Variants in TTC1 observed in about 807,000 individuals in gnomAD.
TTC1 encodes tetratricopeptide repeat domain 1, also known as tetratricopeptide repeat protein 1.
Under a neutral mutation model 37.6 loss-of-function variants are expected in TTC1, and 31 were observed. The ratio of observed to expected loss-of-function variants is 0.82; its 90% CI spans 0.62 to 1.11. The LOEUF is 1.11. Among genes scored for constraint, TTC1 ranks in the 50% most tolerant of loss-of-function variants. The pLI is 0.00. For synonymous variants in TTC1, 127 were observed against 122.4 expected (o/e 1.04, Z -0.25); for missense variants, 351 against 339.0 (o/e 1.04, Z -0.28).
intron 5 of TTC1, among the ~76,000 whole-genome samples, chr5:160,047,463 A>C (rs1340760362): frequency 6.6e-6 from 1 of 152,196 alleles, no homozygotes; most frequent in Non-Finnish European, 1.5e-5. Context: ...TACTACTTCC[A>C]GCTTAGACCA....
At chr5:160,029,816 C>G (rs1262658585) in intron 2 of TTC1, among the ~76,000 whole-genome samples, 1 of 152,116 alleles carries the variant, frequency 6.6e-6, no homozygotes, top group African/African-American at 2.4e-5. Context: ...GGTAAAATGC[C>G]CATGCAGATC....
intron 1 of TTC1, among the ~76,000 whole-genome samples, chr5:160,009,924 A>G (rs1298442340): frequency 6.6e-6 from 1 of 152,196 alleles, no homozygotes; most frequent in Non-Finnish European, 1.5e-5. Flanking sequence ...GTGGTGCTAA[A>G]AAGACGGACC....
chr5:160,040,062 A>G (rs1180466617), intron 4 of TTC1, among the ~76,000 whole-genome samples: 1 of 152,182 alleles, frequency 6.6e-6, no homozygotes. Context: ...GGTATGGCCT[A>G]CTACACACCT....
chr5:160,041,268 A>G (rs1270732817), intron 4 of TTC1, among the ~76,000 whole-genome samples: 1 of 151,620 alleles, frequency 6.6e-6, no homozygotes, highest in Non-Finnish European at 1.5e-5. Context: ...TAAACCAATA[A>G]CAGCCATTTA....
chr5:160,010,572 TA>T lies in TTC1; in HGVS notation c.47del (p.Asn16MetfsTer3), dbSNP rs1408471819. 1 of 1,614,094 alleles carries T rather than the reference TA, an allele frequency of 6.2e-7. No individual in the cohort carries two copies. ...AACTGTGGGGTTCCAGAGGATCTGT[TA>T]AATGGTTTGAAGGTTACAGATACTC... ...SENCGVPEDL[L>X]NGLKVTDTQE... On this transcript the variant is annotated frameshift_variant, in exon 2 of 8. Coordinates refer to ENST00000231238, the MANE Select transcript of TTC1 (RefSeq NM_003314.3). LOFTEE classifies it high-confidence loss of function.
chr5:160,062,755 A>G (rs28373768), intron 7 of TTC1, among the ~76,000 whole-genome samples: 41 of 151,698 alleles, frequency 2.7e-4, no homozygotes, highest in African/African-American at 9.9e-4. Context: ...ACTCCATATC[A>G]CAAGAGCCAA....
chr5:160,058,409 C>CTTTT (rs1171929571), intron 7 of TTC1, among the ~76,000 whole-genome samples: 3 of 129,774 alleles, frequency 2.3e-5, no homozygotes, highest in African/African-American at 2.8e-5. Flanking sequence ...AAGTGTATTT[C>CTTTT]TTTTTTTTTT....
At chr5:160,058,219 T>C (rs11135089) in intron 7 of TTC1, among the ~76,000 whole-genome samples, 104,227 of 152,018 alleles carry the variant, frequency 0.69, 35,908 homozygotes, top group East Asian at 0.76. Context: ...TGTAGCAATT[T>C]AGTCACATCT....
At chr5:160,034,240 G>A (rs1756966189) in intron 2 of TTC1, among the ~76,000 whole-genome samples, 1 of 151,226 alleles carries the variant, frequency 6.6e-6, no homozygotes, top group African/African-American at 2.4e-5. Flanking sequence ...AGACTCTTCT[G>A]GTTTGGCTTG....
In TTC1 at chr5:160,065,425, GC is replaced by G; in HGVS notation, c.*363del. 2.1e-6 allele frequency: 1 copy of G among 469,466 alleles called. No homozygotes were observed. Among genetic ancestry groups the G allele is most frequent in the Admixed American group, 2.3e-5 (1 of 42,982 alleles). The allele number at this position is 469,466 out of a possible 1,614,324, so 29.1% of individuals were successfully genotyped here. ...AAACAAACCTGTTGGTTGGGAGACT[GC>G]CCAGACATGATTGATGACGGGTTCC... On this transcript the variant is annotated 3_prime_UTR_variant, in exon 8 of 8. Coordinates refer to ENST00000231238, the MANE Select transcript of TTC1 (RefSeq NM_003314.3).
chr5:160,048,355 T>A (rs1168265460), intron 5 of TTC1, among the ~76,000 whole-genome samples: 1 of 152,064 alleles, frequency 6.6e-6, no homozygotes, highest in Non-Finnish European at 1.5e-5. Context: ...TTTCGCCATG[T>A]TGGCTAGGCT....
chr5:160,024,032 C>T (rs1447245863), intron 2 of TTC1: 4 of 1,347,798 alleles, frequency 3.0e-6, no homozygotes, highest in Non-Finnish European at 4.3e-6. Flanking sequence ...ACACTTCTTG[C>T]AGGTAGTGTT....
intron 2 of TTC1, among the ~76,000 whole-genome samples, chr5:160,022,752 C>G (rs1033959796): frequency 1.3e-5 from 2 of 152,094 alleles, no homozygotes; most frequent in African/African-American, 4.8e-5. Context: ...AGTAATTTGT[C>G]TTCTTTATAG....
chr5:160,047,518 C>G (rs987268297), intron 5 of TTC1, among the ~76,000 whole-genome samples: 1 of 152,250 alleles, frequency 6.6e-6, no homozygotes, highest in Non-Finnish European at 1.5e-5. Flanking sequence ...AGCTTTCCAG[C>G]TGATCTCACA....
chr5:160,050,167 G>A (rs993659176), intron 6 of TTC1, among the ~76,000 whole-genome samples: 6 of 152,060 alleles, frequency 3.9e-5, no homozygotes, highest in Non-Finnish European at 8.8e-5. Context: ...AAACCAACAG[G>A]CTGGGTGCAG....
intron 2 of TTC1, among the ~76,000 whole-genome samples, chr5:160,014,468 A>G (rs1030513845): frequency 1.3e-5 from 2 of 152,022 alleles, no homozygotes; most frequent in Non-Finnish European, 2.9e-5. Context: ...GTTTGAGACC[A>G]GCCTGGGCAA....
chr5:160,026,494 C>T (rs918199679), intron 2 of TTC1, among the ~76,000 whole-genome samples: 2 of 152,242 alleles, frequency 1.3e-5, no homozygotes, highest in African/African-American at 2.4e-5. Flanking sequence ...CTGTTAGATA[C>T]GAATACACTT....
intron 2 of TTC1, among the ~76,000 whole-genome samples, chr5:160,027,674 T>G (rs886241399): frequency 3.9e-5 from 6 of 152,254 alleles, no homozygotes; most frequent in African/African-American, 1.4e-4. Flanking sequence ...GCAGTAAATT[T>G]TCTTTGTTCA....
intron 5 of TTC1, among the ~76,000 whole-genome samples, chr5:160,047,656 A>T (rs1757286601): frequency 6.6e-6 from 1 of 152,120 alleles, no homozygotes; most frequent in South Asian, 2.1e-4. Flanking sequence ...GAAAAAGTCC[A>T]AACTCCTTTC....
Sources: gnomAD v4.1 joint callset for allele counts (sites outside exome capture counted in the v4.1 genomes callset) on GRCh38, gnomAD v4.1.1 for gene constraint, MANE v1.5 for transcripts, NCBI Gene and HGNC (gene_info 2026-07-23, HGNC 2026-07-21) for gene names.